Variants in GOLPH3L observed in about 807,000 individuals in gnomAD.
GOLPH3L encodes the protein golgi phosphoprotein 3 like.
A neutral mutation model predicts 30.3 loss-of-function variants in GOLPH3L; 22 were observed. The ratio of observed to expected loss-of-function variants is 0.73; its 90% confidence interval spans 0.52 to 1.04. GOLPH3L has a LOEUF of 1.04. Ranked by LOEUF, GOLPH3L falls within the 50% of genes least tolerant of loss-of-function variation. GOLPH3L has a pLI of 0.00. For synonymous variants in GOLPH3L, 120 were observed against 128.2 expected, an observed-to-expected ratio of 0.94 and a Z score of 0.43; for missense variants, 303 against 345.8, an observed-to-expected ratio of 0.88 and a Z score of 0.98.
intron 3 of GOLPH3L, among the ~76,000 whole-genome samples, chr1:150,662,478 T>C (rs1270248218): frequency 1.3e-5 from 2 of 152,188 alleles, no homozygotes; most frequent in African/African-American, 4.8e-5. Context: ...TGGTTTTAAA[T>C]GATATGGGAT....
intron 2 of GOLPH3L, among the ~76,000 whole-genome samples, chr1:150,692,013 A>G (rs1480065518): frequency 2.0e-5 from 3 of 151,936 alleles, no homozygotes; most frequent in Non-Finnish European, 4.4e-5. Flanking sequence ...CTAGAATGCA[A>G]GTTTCTTGAA....
intron 2 of GOLPH3L, among the ~76,000 whole-genome samples, chr1:150,683,496 A>AC (rs1651009297): frequency 7.4e-6 from 1 of 135,402 alleles, no homozygotes. Context: ...AGATCGCGCC[A>AC]CTGCACTCCA....
chr1:150,648,795 A>G (rs755225005), intron 4 of GOLPH3L, 47 bp from the exon 5 acceptor site: 1 of 1,175,462 alleles, frequency 8.5e-7, no homozygotes. Context: ...AGAGAAAAGC[A>G]AAATGAAACA....
At chr1:150,673,659 TG>T (rs973704542) in intron 2 of GOLPH3L, among the ~76,000 whole-genome samples, 4 of 152,052 alleles carry the variant, frequency 2.6e-5, no homozygotes, top group Non-Finnish European at 5.9e-5. Flanking sequence ...CCAGGCTCAG[TG>T]GCTCACGCCA....
At chr1:150,694,238 A>T in intron 2 of GOLPH3L, 1 of 376,418 alleles carries the variant, frequency 2.7e-6, no homozygotes, top group Non-Finnish European at 5.5e-6. Flanking sequence ...CCAATTGTTT[A>T]TTTCTGTAAG....
At chr1:150,691,421 C>A (rs1651209748) in intron 2 of GOLPH3L, among the ~76,000 whole-genome samples, 1 of 152,082 alleles carries the variant, frequency 6.6e-6, no homozygotes, top group Non-Finnish European at 1.5e-5. Flanking sequence ...GAGATTGAGA[C>A]AGGAGAATTG....
chr1:150,682,615 CTCTT>C (rs1650980683), intron 2 of GOLPH3L, among the ~76,000 whole-genome samples: 1 of 98,732 alleles, frequency 1.0e-5, no homozygotes, highest in Admixed American at 1.5e-4. Context: ...TGGTGACAGA[CTCTT>C]TCTCAAAAAA....
At chr1:150,686,016 A>G (rs1336431080) in intron 2 of GOLPH3L, among the ~76,000 whole-genome samples, 1 of 151,536 alleles carries the variant, frequency 6.6e-6, no homozygotes, top group Non-Finnish European at 1.5e-5. Flanking sequence ...CTGAGATTAC[A>G]GGTGCGTGCC....
intron 1 of GOLPH3L, 60 bp from the exon 2 acceptor site, chr1:150,694,910 T>A: frequency 1.2e-6 from 1 of 830,694 alleles, no homozygotes; most frequent in Non-Finnish European, 2.0e-6. Flanking sequence ...AATCATATAT[T>A]CATACATGCA....
chr1:150,668,932 T>C (rs755885088), intron 2 of GOLPH3L, among the ~76,000 whole-genome samples: 23 of 152,196 alleles, frequency 1.5e-4, no homozygotes, highest in Non-Finnish European at 2.8e-4. Flanking sequence ...ATGTAACTTC[T>C]GTTTCAGTGA....
At chr1:150,667,695 G>A (rs938811497) in intron 2 of GOLPH3L, among the ~76,000 whole-genome samples, 18 of 150,178 alleles carry the variant, frequency 1.2e-4, no homozygotes, top group Middle Eastern at 3.4e-3. Context: ...CCGGGTTCAC[G>A]CCATTCTCCT....
chr1:150,654,782 G>A (rs587631077), intron 4 of GOLPH3L, among the ~76,000 whole-genome samples: 4 of 152,322 alleles, frequency 2.6e-5, no homozygotes, highest in African/African-American at 9.6e-5. Flanking sequence ...GATTTATGCT[G>A]CACAAAAGCT....
At chr1:150,650,609 T>A (rs1189569193) in intron 4 of GOLPH3L, among the ~76,000 whole-genome samples, 2 of 152,108 alleles carry the variant, frequency 1.3e-5, no homozygotes, top group African/African-American at 2.4e-5. Context: ...TATTGTGAAC[T>A]GCACATGGGA....
chr1:150,683,737 A>AGC (rs1651019848), intron 2 of GOLPH3L, among the ~76,000 whole-genome samples: 2 of 134,146 alleles, frequency 1.5e-5, no homozygotes, highest in African/African-American at 5.4e-5. Context: ...AAAAAAAGAG[A>AGC]GATACTCAAT....
At chr1:150,692,279 C>T (rs12072331) in intron 2 of GOLPH3L, among the ~76,000 whole-genome samples, 18 of 152,106 alleles carry the variant, frequency 1.2e-4, no homozygotes, top group African/African-American at 4.1e-4. Context: ...TCATTTACAC[C>T]TAAGGATTTA....
At chr1:150,659,789 T>G (rs1650328472) in intron 4 of GOLPH3L, among the ~76,000 whole-genome samples, 1 of 152,110 alleles carries the variant, frequency 6.6e-6, no homozygotes, top group South Asian at 2.1e-4. Context: ...TCCCAGCATT[T>G]TGGGAGACCA....
At chr1:150,661,406 A>G (rs1034698666) in intron 4 of GOLPH3L, among the ~76,000 whole-genome samples, 14 of 152,194 alleles carry the variant, frequency 9.2e-5, no homozygotes, top group Admixed American at 7.9e-4. Flanking sequence ...AATACCCAAA[A>G]TGTGGAAATA....
chr1:150,675,232 C>G (rs941084323), intron 2 of GOLPH3L, among the ~76,000 whole-genome samples: 1 of 151,788 alleles, frequency 6.6e-6, no homozygotes, highest in African/African-American at 2.4e-5. Context: ...TACGTTCAAA[C>G]CTTAGAAGAG....
At chr1:150,693,124 A>G (rs1303459298) in intron 2 of GOLPH3L, among the ~76,000 whole-genome samples, 1 of 152,236 alleles carries the variant, frequency 6.6e-6, no homozygotes, top group Non-Finnish European at 1.5e-5. Flanking sequence ...TTTCTGATAT[A>G]CCTACATCTT....
Sources: gnomAD v4.1 joint callset for allele counts (sites outside exome capture counted in the v4.1 genomes callset) on GRCh38, gnomAD v4.1.1 for gene constraint, MANE v1.5 for transcripts, NCBI Gene and HGNC (gene_info 2026-07-23, HGNC 2026-07-21) for gene names.